CACNA1D: variants seen among roughly 807,000 people sequenced by gnomAD.
The protein encoded by CACNA1D is voltage-dependent L-type calcium channel subunit alpha-1D.
A neutral mutation model predicts 257.1 loss-of-function variants in CACNA1D; 55 were observed. The ratio of observed to expected loss-of-function variants is 0.21; its 90% CI spans 0.17 to 0.27. CACNA1D has a LOEUF of 0.27. Ranked by LOEUF, CACNA1D falls within the 10% of genes least tolerant of loss-of-function variation. The pLI is 1.00. For missense variants in CACNA1D, 1,876 were observed against 2,784.0 expected (o/e 0.67, Z 7.34); for synonymous variants, 980 against 1,014.9 (o/e 0.97, Z 0.65).
chr3:53,697,437 C>T (rs2094582915), intron 8 of CACNA1D, among the ~76,000 whole-genome samples: 1 of 152,194 alleles, frequency 6.6e-6, no homozygotes, highest in South Asian at 2.1e-4. Context: ...AATGGACAGA[C>T]AACATTGTCC....
chr3:53,664,525 G>A (rs528770909), intron 5 of CACNA1D, among the ~76,000 whole-genome samples: 84 of 152,278 alleles, frequency 5.5e-4, no homozygotes, highest in African/African-American at 1.6e-3. Flanking sequence ...CTTTTCTTTC[G>A]TGATTTTCTT....
intron 3 of CACNA1D, among the ~76,000 whole-genome samples, chr3:53,508,177 T>C (rs1431798683): frequency 6.6e-6 from 1 of 152,152 alleles, no homozygotes; most frequent in Non-Finnish European, 1.5e-5. Flanking sequence ...AGTTCCGGGA[T>C]ACATGTGCAG....
At chr3:53,696,933 T>C (rs2094578180) in intron 8 of CACNA1D, among the ~76,000 whole-genome samples, 1 of 102,668 alleles carries the variant, frequency 9.7e-6, no homozygotes, top group African/African-American at 4.8e-5. Flanking sequence ...GGGGGAAGTC[T>C]GGGTCTGCAG....
chr3:53,634,278 G>T (rs970749463), intron 3 of CACNA1D, among the ~76,000 whole-genome samples: 2 of 152,164 alleles, frequency 1.3e-5, no homozygotes, highest in African/African-American at 4.8e-5. Context: ...GATCAAGCTT[G>T]TTGCCTTTTC....
At chr3:53,556,170 A>T (rs982236036) in intron 3 of CACNA1D, among the ~76,000 whole-genome samples, 25 of 152,216 alleles carry the variant, frequency 1.6e-4, no homozygotes, top group Non-Finnish European at 7.3e-5. Context: ...AGTACAGTTT[A>T]TCCATTTATC....
intron 3 of CACNA1D, among the ~76,000 whole-genome samples, chr3:53,510,404 C>T (rs994116626): frequency 6.6e-6 from 1 of 152,186 alleles, no homozygotes; most frequent in Non-Finnish European, 1.5e-5. Flanking sequence ...CTAACAACTT[C>T]ATAGTTGGTG....
chr3:53,768,905 C>T (rs1310755586), intron 30 of CACNA1D, among the ~76,000 whole-genome samples: 2 of 152,224 alleles, frequency 1.3e-5, no homozygotes, highest in Admixed American at 1.3e-4. Flanking sequence ...TGCAGACACA[C>T]TGTACAGAAA....
intron 27 of CACNA1D, among the ~76,000 whole-genome samples, chr3:53,750,015 C>A (rs1287147706): frequency 6.6e-6 from 1 of 152,198 alleles, no homozygotes; most frequent in African/African-American, 2.4e-5. Context: ...GCCAAGTGTC[C>A]TTTGGGGGGC....
Position 53,495,313 on chromosome 3 carries a change from C to T in CACNA1D, c.67+80C>T. The T allele has an allele frequency of 6.4e-7, 1 of 1,564,546 alleles. No individual in the cohort carries two copies. Among genetic ancestry groups the T allele is most frequent in the Non-Finnish European group, 8.8e-7 (1 of 1,137,424 alleles). ...CCAGCCCCCTCCCCCTTCCCCGCGG[C>T]GCTGGATGGGTTGAGGGGGTTGGAG... On this transcript the variant is annotated intron_variant, in intron 1 of 47. Transcript: ENST00000350061. The surrounding 1 kb of genome is among the most constrained non-coding windows in gnomAD (Gnocchi z 5.1).
At chr3:53,505,496 G>A (rs2090805166) in intron 3 of CACNA1D, among the ~76,000 whole-genome samples, 1 of 152,210 alleles carries the variant, frequency 6.6e-6, no homozygotes, top group South Asian at 2.1e-4. Context: ...TGATGCAGTG[G>A]TAGGGGTATA....
chr3:53,644,485 C>T lies in CACNA1D; in HGVS notation c.484-6294C>T, dbSNP rs145353934. On this transcript the variant is annotated intron_variant, in intron 3 of 47. Transcript: ENST00000350061. The stretch of plus-strand genomic sequence containing the variant: ...TCAACATCTCCCCAATCTTCCTGAC[C>T]CCCACCTCTGGTAATCATCATTCTT... 2.0e-4 allele frequency among the ~76,000 whole-genome samples: 30 copies of T among 152,212 alleles called. No individual in the cohort carries two copies. In the East Asian group the frequency reaches 5.6e-3, roughly 28 times the overall value.
intron 3 of CACNA1D, among the ~76,000 whole-genome samples, chr3:53,623,356 A>G (rs2093720487): frequency 6.6e-6 from 1 of 152,240 alleles, no homozygotes; most frequent in Admixed American, 6.5e-5. Flanking sequence ...GAGTGTACAG[A>G]GGTCTGCACC....
At chr3:53,595,308 C>T (rs1241802625) in intron 3 of CACNA1D, among the ~76,000 whole-genome samples, 1 of 152,154 alleles carries the variant, frequency 6.6e-6, no homozygotes, top group African/African-American at 2.4e-5. Flanking sequence ...ACCAGGTGGA[C>T]AGCATTTGGA....
chr3:53,596,183 AC>A (rs1237432065), intron 3 of CACNA1D, among the ~76,000 whole-genome samples: 24 of 152,228 alleles, frequency 1.6e-4, no homozygotes, highest in Non-Finnish European at 2.8e-4. Context: ...GGACAGCTGT[AC>A]TAGGGAGTCT....
chr3:53,770,718 G>A (rs1216913596), intron 32 of CACNA1D, among the ~76,000 whole-genome samples, 166 bp downstream of exon 32: 4 of 152,178 alleles, frequency 2.6e-5, no homozygotes, highest in Non-Finnish European at 5.9e-5. Flanking sequence ...CATTTCTTGG[G>A]TCAATCACAT....
At chr3:53,674,806 G>A (rs1243940974) in intron 8 of CACNA1D, among the ~76,000 whole-genome samples, 4 of 152,298 alleles carry the variant, frequency 2.6e-5, no homozygotes, top group Admixed American at 6.5e-5. Flanking sequence ...AGGGGCCCAC[G>A]TCTCCCAGAG....
intron 3 of CACNA1D, among the ~76,000 whole-genome samples, chr3:53,592,703 GT>G (rs2093321421): frequency 6.6e-6 from 1 of 150,616 alleles, no homozygotes; most frequent in African/African-American, 2.5e-5. Context: ...CCTGACCCTA[GT>G]TCTGTTTTTT....
chr3:53,528,623 G>A (rs1010126414), intron 3 of CACNA1D, among the ~76,000 whole-genome samples: 1 of 152,188 alleles, frequency 6.6e-6, no homozygotes, highest in Admixed American at 6.5e-5. Context: ...TCAATTTGGG[G>A]AGAAGGATAG....
chr3:53,538,140 AGTTTT>A (rs2092170194), intron 3 of CACNA1D, among the ~76,000 whole-genome samples: 1 of 108,988 alleles, frequency 9.2e-6, no homozygotes, highest in African/African-American at 5.2e-5. Flanking sequence ...CAGTTTTTGA[AGTTTT>A]TTTTTTTTTT....
Sources: gnomAD v4.1 joint callset for allele counts (sites outside exome capture counted in the v4.1 genomes callset) on GRCh38, gnomAD v4.1.1 for gene constraint, Gnocchi (gnomAD v3.1) non-coding constraint, MANE v1.5 for transcripts, NCBI Gene and HGNC (gene_info 2026-07-23, HGNC 2026-07-21) for gene names.